The following KAT8 variants were observed in gnomAD, a reference collection of about 807,000 sequenced individuals.
KAT8 encodes lysine acetyltransferase 8.
KAT8 carries 40 observed loss-of-function variants against 62.9 expected under a neutral mutation model. The ratio of observed to expected loss-of-function variants is 0.64; its 90% CI spans 0.49 to 0.83. The LOEUF is 0.83. KAT8 is among the 40% of genes least tolerant of loss of function. The pLI is 0.00. For missense variants in KAT8, 387 were observed against 614.8 expected (o/e 0.63, Z 3.92); for synonymous variants, 278 against 254.5 (o/e 1.09, Z -0.88).
chr16:31,130,951 T>C, intron 10 of KAT8, 51 bp downstream of exon 10: 9 of 1,584,366 alleles, frequency 5.7e-6, no homozygotes, highest in Non-Finnish European at 7.7e-6. Context: ...TGTCAGTATA[T>C]GGACTGGTAG....
chr16:31,120,529 C>T lies in KAT8; in HGVS notation c.462+15C>T. ...ATGTGCAGAAGGTCCGGATCCCTTC[C>T]CATCCACGGGCCCAGGAGGCCCAGC... On this transcript the variant is annotated intron_variant, in intron 3 of 10. Coordinates refer to ENST00000219797, the MANE Select transcript of KAT8 (RefSeq NM_032188.3). The T allele has an allele frequency of 1.3e-6, 2 of 1,589,956 alleles. No homozygotes were observed. Among genetic ancestry groups the T allele is most frequent in the Non-Finnish European group, 1.7e-6 (2 of 1,162,106 alleles).
At chr16:31,120,564 A>G (rs2057485750) in intron 3 of KAT8, 50 bp downstream of exon 3, 2 of 1,559,452 alleles carry the variant, frequency 1.3e-6, no homozygotes, top group South Asian at 2.3e-5. Context: ...CTTCTCTGCC[A>G]GTTCCCTTGG....
intron 3 of KAT8, chr16:31,122,247 G>A (rs889018397): frequency 1.3e-5 from 2 of 152,166 alleles, no homozygotes; most frequent in Non-Finnish European, 2.9e-5. Flanking sequence ...AAAAATCAGG[G>A]TGTTGCACTT....
chr16:31,126,927 C>A, intron 3 of KAT8, 108 bp from the exon 4 acceptor site: 1 of 1,199,576 alleles, frequency 8.3e-7, no homozygotes, highest in Non-Finnish European at 1.2e-6. Flanking sequence ...TATTGCCATC[C>A]AGGAATGAGG....
At chr16:31,119,583 C>T (rs997234120) in intron 1 of KAT8, among the ~76,000 whole-genome samples, 1 of 152,138 alleles carries the variant, frequency 6.6e-6, no homozygotes, top group African/African-American at 2.4e-5. Flanking sequence ...TAAGTATTAG[C>T]TCTTACCACT....
In KAT8 at chr16:31,131,331, T is replaced by C; in HGVS notation, c.*72T>C. The stretch of plus-strand genomic sequence containing the variant: ...TGTAAATATGTATAGACCTGTTTTG[T>C]CATTTTTTTAATAAAGTCAGTTCTG... On this transcript the variant is annotated 3_prime_UTR_variant, in exon 11 of 11. Transcript: ENST00000219797. 1 of 1,563,720 alleles carries C rather than the reference T, an allele frequency of 6.4e-7. No individual in the cohort carries two copies. Among genetic ancestry groups the C allele is most frequent in the Non-Finnish European group, 8.7e-7 (1 of 1,143,120 alleles).
intron 3 of KAT8, 142 bp downstream of exon 3, chr16:31,120,656 C>T: frequency 1.4e-6 from 1 of 729,424 alleles, no homozygotes; most frequent in Non-Finnish European, 2.2e-6. Context: ...TACCTACTTC[C>T]TCTTACTTAC....
In KAT8 at chr16:31,130,281, G is replaced by C. The variant is rs774516047; in HGVS notation, c.927G>C (p.Pro309=). The C allele has an allele frequency of 1.2e-6, 2 of 1,614,042 alleles. 1 individual carries two copies. Among genetic ancestry groups the C allele is most frequent in the South Asian group, 2.2e-5 (2 of 91,086 alleles). Residue 309 remains proline (P), a synonymous_variant, in exon 8 of 11, where the codon CCG becomes CCC. Transcript: ENST00000219797. Reference sequence around the variant, plus strand: ...GCCTCCTGCAGGAGAAGGAGTCCCCGGATGGAAACAATGTGGCCTGCATCC... The same window carrying C: ...GCCTCCTGCAGGAGAAGGAGTCCCCCGATGGAAACAATGTGGCCTGCATCC... ...VGYFSKEKES[P]DGNNVACILT...
At chr16:31,120,285 G>C in intron 2 of KAT8, 25 bp downstream of exon 2, 2 of 1,613,930 alleles carry the variant, frequency 1.2e-6, no homozygotes, top group Non-Finnish European at 1.7e-6. Flanking sequence ...ACATCTGGGC[G>C]TGGGTGCAGG....
intron 3 of KAT8, among the ~76,000 whole-genome samples, chr16:31,121,460 A>G (rs2057492928): frequency 6.6e-6 from 1 of 152,026 alleles, no homozygotes; most frequent in African/African-American, 2.4e-5. Context: ...CTGACATTTC[A>G]CAGTAGGCCT....
chr16:31,127,622 G>C (rs2057542605), intron 5 of KAT8, among the ~76,000 whole-genome samples: 1 of 152,226 alleles, frequency 6.6e-6, no homozygotes, highest in Non-Finnish European at 1.5e-5. Context: ...TTTTGCCAAG[G>C]CCAGCTCCAT....
Position 31,120,319 on chromosome 16 carries a change from C to G in KAT8, c.287-20C>G. The G allele has an allele frequency of 6.2e-7, 1 of 1,614,126 alleles. No individual in the cohort carries two copies. The highest frequency in any genetic ancestry group is 8.5e-7 in the Non-Finnish European group (1 of 1,179,974). On this transcript the variant is annotated intron_variant, in intron 2 of 10. Transcript: ENST00000219797. ...GGGAGTTGGCTGCCCTGGCAGCACT[C>G]TTATGGCCCATACTTACAGTTAACC...
chr16:31,119,447 C>T (rs2057476762), intron 1 of KAT8, among the ~76,000 whole-genome samples: 2 of 152,076 alleles, frequency 1.3e-5, no homozygotes, highest in South Asian at 4.1e-4. Flanking sequence ...GATGCCCAGC[C>T]CTGGAATTAT....
intron 6 of KAT8, among the ~76,000 whole-genome samples, chr16:31,129,536 C>T (rs928945254): frequency 2.6e-5 from 4 of 152,176 alleles, no homozygotes; most frequent in Admixed American, 6.5e-5. Flanking sequence ...AAGCCAAACT[C>T]GGTCCCATTG....
Position 31,120,443 on chromosome 16 carries a change from G to T in KAT8, c.391G>T (p.Ala131Ser), listed in dbSNP as rs779576477. The T allele has an allele frequency of 6.2e-7, 1 of 1,613,894 alleles. No homozygotes were observed. The highest frequency in any genetic ancestry group is 8.5e-7 in the Non-Finnish European group (1 of 1,180,004). Reference protein sequence around the residue: ...KNSEKYLSELAEQPERKITRN... With the variant: ...KNSEKYLSELSEQPERKITRN... ...CTCAGAGAAGTACCTGAGCGAGCTC[G>T]CAGAGCAGCCTGAGCGCAAGATCAC... Residue 131 changes from alanine (A) to serine (S), a missense_variant, in exon 3 of 11, where the codon GCA (alanine) becomes TCA (serine). By Grantham distance (99) the Ala-to-Ser change is moderately conservative. This residue lies in a region of KAT8 where 69 missense variants were observed against 127.0 expected (regional missense o/e 0.54). Transcript: ENST00000219797.
intron 6 of KAT8, 83 bp from the exon 7 acceptor site, chr16:31,129,934 G>T (rs2057561028): frequency 1.3e-6 from 2 of 1,508,628 alleles, no homozygotes; most frequent in South Asian, 2.3e-5. Flanking sequence ...CCCACTTCGC[G>T]TGGGCTGGTG....
At chr16:31,130,628 TG>T in intron 9 of KAT8, 22 bp downstream of exon 9, 2 of 1,613,302 alleles carry the variant, frequency 1.2e-6, no homozygotes, top group South Asian at 1.1e-5. Context: ...TCCCGGGCCC[TG>T]GGGGCAGGAC....
rs2057458912 is a variant in KAT8 at position 31,117,769 on chromosome 16, G to A, written c.88G>A (p.Ala30Thr). 5 of 1,382,604 alleles carry A rather than the reference G, an allele frequency of 3.6e-6. No individual in the cohort carries two copies. Among genetic ancestry groups the A allele is most frequent in the East Asian group, 6.1e-5 (2 of 32,634 alleles). 85.6% of individuals were successfully genotyped at this position (1,382,604 alleles called of 1,614,324 possible). The change falls in exon 1 of 11, where the codon GCC becomes ACC. Residue 30 changes from alanine to threonine, a missense_variant. Transcript: ENST00000219797. ...CGAGCCCGGGCCCGGGGAGAATGCGGCCGCTGAGGGGACCGCCCCATCCCC... is the reference window on the plus strand; with the variant it reads ...CGAGCCCGGGCCCGGGGAGAATGCGACCGCTGAGGGGACCGCCCCATCCCC... ...EGEPGPGENA[A>T]AEGTAPSPGR...
In KAT8 at chr16:31,127,058, C is replaced by T. The variant is rs2057536753; in HGVS notation, c.486C>T (p.Thr162=). 2.5e-6 allele frequency: 4 copies of T among 1,614,168 alleles called. No individual in the cohort carries two copies. Among genetic ancestry groups the T allele is most frequent in the Non-Finnish European group, 3.4e-6 (4 of 1,180,030 alleles). Residue 162 remains threonine (T), a synonymous_variant, in exon 4 of 11, where the codon ACC becomes ACT. Transcript: ENST00000219797. ...AGACTTATGCAGAGATGGACCCCAC[C>T]ACAGCAGCCTTGGAGAAGGAGCATG... ...VQKTYAEMDP[T]TAALEKEHEA...
Sources: allele counts gnomAD v4.1 joint callset (sites outside exome capture counted in the v4.1 genomes callset), GRCh38; gene constraint gnomAD v4.1.1; regional missense constraint gnomAD v4.1.1; transcripts MANE v1.5; gene names NCBI Gene and HGNC (gene_info 2026-07-23, HGNC 2026-07-21).